The following SCGB2B2 variants were observed in gnomAD, a reference collection of about 807,000 sequenced individuals.
The protein encoded by SCGB2B2 is secretoglobin-like protein.
In SCGB2B2, 11 loss-of-function variants were observed where a neutral mutation model predicts 7.6. The observed-to-expected ratio is 1.45, with a 90% CI of 0.91 to 2.40. The LOEUF (loss-of-function observed/expected upper bound fraction) is 2.40. SCGB2B2 is among the 30% of genes most tolerant of loss of function. The pLI is 0.00. For synonymous variants in SCGB2B2, 50 were observed against 48.6 expected (o/e 1.03, Z -0.12); for missense variants, 104 against 115.4 (o/e 0.90, Z 0.45).
intron 1 of SCGB2B2, among the ~76,000 whole-genome samples, chr19:34,643,092 A>G (rs888121392): frequency 2.0e-5 from 3 of 152,214 alleles, no homozygotes; most frequent in African/African-American, 7.2e-5. Context: ...CAGTCTATCA[A>G]AGGGATTCCT....
Position 34,594,652 on chromosome 19 carries a change from CGTGTGTGTGT to C in SCGB2B2, c.-99_-90del, listed in dbSNP as rs3055684. On this transcript the variant is annotated 5_prime_UTR_variant, in exon 2 of 4. The change abolishes the stop of an existing upstream ORF in the 5' untranslated region. Coordinates refer to ENST00000601241, the MANE Select transcript of SCGB2B2 (RefSeq NM_001025591.4). Reference sequence around the variant, plus strand: ...TATCTGAACAAGGCACATGCCTCTTCGTGTGTGTGTGTGTGTGTGTGTGTGTGTGTGTGTG... The same window carrying C: ...TATCTGAACAAGGCACATGCCTCTTCGTGTGTGTGTGTGTGTGTGTGTGTG... 0.13 allele frequency: 83,399 copies of C among 655,502 alleles called. 2,146 individuals are homozygous for C. The highest frequency in any genetic ancestry group is 0.22 in the East Asian group (7,490 of 33,304). 40.6% of individuals were successfully genotyped at this position (655,502 alleles called of 1,614,324 possible). A position where few individuals can be genotyped will look rare whatever the true frequency, so the allele number is the denominator to read the frequency against.
intron 1 of SCGB2B2, among the ~76,000 whole-genome samples, chr19:34,625,525 G>A (rs1224723407): frequency 6.6e-6 from 1 of 152,198 alleles, no homozygotes; most frequent in East Asian, 1.9e-4. Context: ...CTCATTGCTA[G>A]CACAGCAGTC....
At chr19:34,633,373 C>T (rs1365402379) in intron 1 of SCGB2B2, among the ~76,000 whole-genome samples, 2 of 152,186 alleles carry the variant, frequency 1.3e-5, no homozygotes, top group East Asian at 3.9e-4. Flanking sequence ...AGAAGCAATC[C>T]AAATGTCCTT....
chr19:34,655,465 A>G lies in SCGB2B2; in HGVS notation c.-2032+20165T>C, dbSNP rs150118301. Among the ~76,000 whole-genome samples, 81 of 151,116 alleles carry G rather than the reference A, an allele frequency of 5.4e-4. 4 individuals are homozygous for G. Among genetic ancestry groups the G allele is most frequent in the African/African-American group, 1.9e-3 (76 of 40,478 alleles). ...CAGAAAAATTTTAAAACTACCTAAG[A>G]CCTGGATGCCCCCCCAACCCCACTT... On this transcript the variant is annotated intron_variant, in intron 1 of 3. Coordinates refer to ENST00000601241, the MANE Select transcript of SCGB2B2 (RefSeq NM_001025591.4).
chr19:34,594,790 T>A lies in SCGB2B2; in HGVS notation c.-227A>T, dbSNP rs7255618. On this transcript the variant is annotated 5_prime_UTR_variant, in exon 2 of 4. An upstream start codon of the reference 5' UTR is lost. Transcript: ENST00000601241. ...AGCGTATCGGGAACTGGACTCAGCATGCAGTGGGAGGGGTTGGGTGTTGTG... is the reference window on the plus strand; with the variant it reads ...AGCGTATCGGGAACTGGACTCAGCAAGCAGTGGGAGGGGTTGGGTGTTGTG... 0.051 allele frequency: 29,011 copies of A among 572,530 alleles called. 1,230 individuals carry two copies. Among genetic ancestry groups the A allele is most frequent in the African/African-American group, 0.16 (8,307 of 53,456 alleles). The allele number at this position is 572,530 out of a possible 1,614,324, so 35.5% of individuals were successfully genotyped here. A position where few individuals can be genotyped will look rare whatever the true frequency, so the allele number is the denominator to read the frequency against.
intron 1 of SCGB2B2, among the ~76,000 whole-genome samples, chr19:34,638,857 C>A (rs1274872061): frequency 1.3e-5 from 2 of 152,150 alleles, no homozygotes; most frequent in East Asian, 3.9e-4. Context: ...TGCCCTTAAA[C>A]CCCAATAAAA....
intron 1 of SCGB2B2, among the ~76,000 whole-genome samples, chr19:34,661,870 AT>A (rs1041363285): frequency 4.0e-5 from 6 of 150,634 alleles, no homozygotes; most frequent in Admixed American, 1.3e-4. Flanking sequence ...GTGTTAGTGT[AT>A]TTTTTTTTAA....
intron 1 of SCGB2B2, chr19:34,634,940 C>CA (rs1238561479): frequency 3.7e-6 from 1 of 268,726 alleles, no homozygotes; most frequent in Non-Finnish European, 7.8e-6. Flanking sequence ...AGCCTTTCAC[C>CA]AGTGTGAACT....
intron 1 of SCGB2B2, among the ~76,000 whole-genome samples, chr19:34,666,763 G>A (rs375191559): frequency 2.6e-4 from 39 of 152,274 alleles, no homozygotes; most frequent in Middle Eastern, 3.4e-3. Context: ...CCCTGGCGTT[G>A]CTGGGCCTCC....
chr19:34,669,794 CAGAG>C lies in SCGB2B2; in HGVS notation c.-2032+5832_-2032+5835del, dbSNP rs2067752464. On this transcript the variant is annotated intron_variant, in intron 1 of 3. Coordinates refer to ENST00000601241, the MANE Select transcript of SCGB2B2 (RefSeq NM_001025591.4). ...TTATGGCAGTGACTGAGTGACCACACAGAGAGGCCAATGCGATGGAAAACATTAT... is the reference window on the plus strand; with the variant it reads ...TTATGGCAGTGACTGAGTGACCACACAGGCCAATGCGATGGAAAACATTAT... 6.6e-5 allele frequency among the ~76,000 whole-genome samples: 10 copies of C among 151,132 alleles called. No individual in the cohort carries two copies. In the South Asian group the frequency reaches 1.3e-3, roughly 19 times the overall value.
intron 1 of SCGB2B2, among the ~76,000 whole-genome samples, chr19:34,622,330 G>T (rs1400025196): frequency 2.0e-5 from 3 of 152,220 alleles, no homozygotes; most frequent in Admixed American, 1.3e-4. Context: ...ACTGGTTAAA[G>T]CCTTTTTGAG....
intron 1 of SCGB2B2, among the ~76,000 whole-genome samples, chr19:34,654,811 C>T (rs1038839197): frequency 2.0e-5 from 3 of 151,028 alleles, no homozygotes; most frequent in Admixed American, 6.6e-5. Flanking sequence ...AACCCCTAGC[C>T]TCTGGGCCTT....
At chr19:34,643,205 A>G (rs2066895256) in intron 1 of SCGB2B2, among the ~76,000 whole-genome samples, 1 of 152,240 alleles carries the variant, frequency 6.6e-6, no homozygotes, top group Non-Finnish European at 1.5e-5. Flanking sequence ...TGGTACATAT[A>G]CACAATGGAA....
intron 1 of SCGB2B2, among the ~76,000 whole-genome samples, chr19:34,605,590 A>AT (rs1056276153): frequency 9.2e-5 from 14 of 152,034 alleles, no homozygotes; most frequent in African/African-American, 2.9e-4. Context: ...TTATTCATTT[A>AT]TTTTTTGAGA....
chr19:34,613,856 T>TTA (rs1351292629), intron 1 of SCGB2B2, among the ~76,000 whole-genome samples: 1 of 152,254 alleles, frequency 6.6e-6, no homozygotes, highest in Non-Finnish European at 1.5e-5. Flanking sequence ...GGAAAAAATG[T>TTA]TATTACTCTC....
At chr19:34,626,986 G>C in intron 1 of SCGB2B2, among the ~76,000 whole-genome samples, 1 of 152,186 alleles carries the variant, frequency 6.6e-6, no homozygotes, top group East Asian at 1.9e-4. Context: ...TTTCAACCCA[G>C]AATTTTACAT....
At chr19:34,588,744 A>T (rs1272746172), downstream of SCGB2B2, among the ~76,000 whole-genome samples, 2 of 152,182 alleles carry the variant, frequency 1.3e-5, no homozygotes, top group African/African-American at 2.4e-5. Context: ...CCCATGCAGG[A>T]GACACACAGG....
chr19:34,666,032 C>G (rs191352432), intron 1 of SCGB2B2, among the ~76,000 whole-genome samples: 1 of 152,122 alleles, frequency 6.6e-6, no homozygotes. Context: ...CTCCTGGAGC[C>G]CACACCTTTC....
chr19:34,635,249 A>G (rs1360346267), intron 1 of SCGB2B2: 1 of 278,614 alleles, frequency 3.6e-6, no homozygotes, highest in African/African-American at 2.3e-5. Context: ...AATTTCGCAC[A>G]TTTGCTGCAC....
Sources: allele counts gnomAD v4.1 joint callset (sites outside exome capture counted in the v4.1 genomes callset), GRCh38; gene constraint gnomAD v4.1.1; transcripts MANE v1.5; gene names NCBI Gene and HGNC (gene_info 2026-07-23, HGNC 2026-07-21).